IL7: variants seen among roughly 807,000 people sequenced by gnomAD.
IL7 encodes the protein interleukin-7.
A neutral mutation model predicts 21.6 loss-of-function variants in IL7; 3 were observed. The ratio of observed to expected loss-of-function variants is 0.14; its 90% CI spans 0.06 to 0.36. IL7 has a LOEUF of 0.36. Among genes scored for constraint, IL7 ranks in the 10% least tolerant of loss-of-function variants. IL7 has a pLI of 1.00. For synonymous variants in IL7, 62 were observed against 68.1 expected (o/e 0.91, Z 0.44); for missense variants, 175 against 200.2 (o/e 0.87, Z 0.76).
chr8:78,681,206 C>T (rs1471258466), intron 4 of IL7, among the ~76,000 whole-genome samples: 1 of 151,948 alleles, frequency 6.6e-6, no homozygotes, highest in East Asian at 1.9e-4. Context: ...TGTATAGCTA[C>T]CCTGGGCCTC....
chr8:78,763,674 T>TA (rs1378141510), intron 2 of IL7, among the ~76,000 whole-genome samples: 4 of 151,880 alleles, frequency 2.6e-5, no homozygotes, highest in African/African-American at 7.3e-5. Flanking sequence ...AGAAAATAAA[T>TA]AAAAAATGAT....
intron 2 of IL7, among the ~76,000 whole-genome samples, chr8:78,797,476 G>A (rs1294254846): frequency 6.6e-6 from 1 of 151,966 alleles, no homozygotes; most frequent in Non-Finnish European, 1.5e-5. Flanking sequence ...GGGAAACAGT[G>A]CAGAGAGAGA....
chr8:78,766,027 C>T (rs1353178981), intron 2 of IL7, among the ~76,000 whole-genome samples: 1 of 151,918 alleles, frequency 6.6e-6, no homozygotes, highest in African/African-American at 2.4e-5. Context: ...AACAAGAAAA[C>T]ATGGAAGGAT....
chr8:78,704,983 A>G lies in IL7; in HGVS notation n.214+16365T>C, dbSNP rs908482918. Among the ~76,000 whole-genome samples, 2 of 152,088 alleles carry G rather than the reference A, an allele frequency of 1.3e-5. 1 individual carries two copies. Among genetic ancestry groups the G allele is most frequent in the South Asian group, 4.1e-4 (2 of 4,826 alleles). On this transcript the variant is annotated intron_variant and non_coding_transcript_variant, in intron 3 of 4. Coordinates refer to the IL7 transcript ENST00000523959. ...TGTTCTTCTCTATACTGGCTATTTC[A>G]TCTGTTTGCTCCTGCAGTGTTTTAT...
chr8:78,729,377 G>A (rs1236511132), downstream of IL7, among the ~76,000 whole-genome samples: 2 of 151,970 alleles, frequency 1.3e-5, no homozygotes, highest in African/African-American at 4.8e-5. Flanking sequence ...ATATGTATTT[G>A]TGTTGCGTCT....
chr8:78,698,999 G>A (rs775819760), intron 3 of IL7, among the ~76,000 whole-genome samples: 13 of 151,984 alleles, frequency 8.6e-5, no homozygotes, highest in Non-Finnish European at 1.2e-4. Flanking sequence ...CTCTTTTCAC[G>A]TTTTTATTAT....
At chr8:78,763,514 C>T (rs976637284) in intron 2 of IL7, among the ~76,000 whole-genome samples, 2 of 152,054 alleles carry the variant, frequency 1.3e-5, no homozygotes, top group South Asian at 2.1e-4. Context: ...ATCCAATAGA[C>T]ATTAAACAGA....
downstream of IL7, among the ~76,000 whole-genome samples, chr8:78,728,230 T>C (rs1811367919): frequency 6.6e-6 from 1 of 152,138 alleles, no homozygotes; most frequent in South Asian, 2.1e-4. Flanking sequence ...TCCATTGCAA[T>C]CTCTGTTGAT....
chr8:78,752,191 T>G (rs936932165), intron 2 of IL7, among the ~76,000 whole-genome samples: 1 of 152,228 alleles, frequency 6.6e-6, no homozygotes, highest in Non-Finnish European at 1.5e-5. Flanking sequence ...GACACCTAAG[T>G]TAATTCCATG....
In IL7 at chr8:78,761,539, G is replaced by A; in HGVS notation, c.148-21457C>T. The A allele has an allele frequency of 1.9e-6, 3 of 1,611,888 alleles. No individual in the cohort carries two copies. In the South Asian group the frequency reaches 3.3e-5, roughly 18 times the overall value. ...TTTCTGCATCAGCTTCATAAGGCAG[G>A]AAGCCTATAAATTCCTCTCTTAGGT... On this transcript the variant is annotated intron_variant, in intron 2 of 5. Transcript: ENST00000263851.
intron 3 of IL7, among the ~76,000 whole-genome samples, chr8:78,696,145 C>T (rs1810403411): frequency 1.3e-5 from 2 of 152,052 alleles, no homozygotes; most frequent in South Asian, 4.1e-4. Context: ...CGCCATTCTC[C>T]TGCCTCAGCC....
chr8:78,696,975 T>C (rs1240377422), intron 3 of IL7, among the ~76,000 whole-genome samples: 2 of 152,208 alleles, frequency 1.3e-5, no homozygotes, highest in Non-Finnish European at 2.9e-5. Flanking sequence ...CTTTTTTTCT[T>C]TTTCCTGTGA....
intron 3 of IL7, among the ~76,000 whole-genome samples, chr8:78,703,188 C>T (rs573768052): frequency 1.4e-4 from 21 of 152,188 alleles, no homozygotes; most frequent in Non-Finnish European, 2.1e-4. Flanking sequence ...TGAGCCACCG[C>T]GCCTGGCCCA....
chr8:78,704,379 C>T (rs1237125455), intron 3 of IL7, among the ~76,000 whole-genome samples: 5 of 140,248 alleles, frequency 3.6e-5, no homozygotes, highest in Admixed American at 7.1e-5. Context: ...CAGAGTGAGA[C>T]TCCATCTCAA....
At chr8:78,761,432 A>G in intron 2 of IL7, 3 of 1,611,904 alleles carry the variant, frequency 1.9e-6, no homozygotes, top group East Asian at 4.5e-5. Flanking sequence ...TCCACTAGAG[A>G]CAATGTAAGC....
intron 3 of IL7, among the ~76,000 whole-genome samples, chr8:78,686,951 CAT>C (rs1423703370): frequency 1.3e-5 from 2 of 152,038 alleles, no homozygotes; most frequent in Admixed American, 1.3e-4. Flanking sequence ...CAGCAGGAGT[CAT>C]ATAATTATGT....
At chr8:78,773,941 A>G (rs1487475953) in intron 2 of IL7, among the ~76,000 whole-genome samples, 1 of 152,106 alleles carries the variant, frequency 6.6e-6, no homozygotes, top group East Asian at 1.9e-4. Flanking sequence ...AATCTAGCTG[A>G]ATGAAGGTAC....
chr8:78,746,917 A>G (rs953464849), intron 2 of IL7: 21 of 388,594 alleles, frequency 5.4e-5, no homozygotes, highest in African/African-American at 4.0e-4. Flanking sequence ...TCTTTGTGAT[A>G]GGACAGTTTT....
chr8:78,697,000 T>C (rs1365038607), intron 3 of IL7, among the ~76,000 whole-genome samples: 1 of 152,224 alleles, frequency 6.6e-6, no homozygotes, highest in Admixed American at 6.5e-5. Flanking sequence ...AAAAAGTTGC[T>C]GTTAGTTTGT....
Sources: gnomAD v4.1 joint callset for allele counts (sites outside exome capture counted in the v4.1 genomes callset) on GRCh38, gnomAD v4.1.1 for gene constraint, MANE v1.5 for transcripts, NCBI Gene and HGNC (gene_info 2026-07-23, HGNC 2026-07-21) for gene names.